LPAR1: variants seen among roughly 807,000 people sequenced by gnomAD.
LPAR1 encodes lysophosphatidic acid receptor 1, also known as LPA receptor 1.
A neutral mutation model predicts 23.8 loss-of-function variants in LPAR1; 5 were observed. That is an observed-to-expected ratio of 0.21 (90% CI 0.11 to 0.44). The LOEUF is 0.44. Among genes scored for constraint, LPAR1 ranks in the 20% least tolerant of loss-of-function variants. LPAR1 has a pLI of 0.99. For missense variants in LPAR1, 311 were observed against 482.8 expected, an observed-to-expected ratio of 0.64 and a Z score of 3.33; for synonymous variants, 160 against 164.7, an observed-to-expected ratio of 0.97 and a Z score of 0.22.
At chr9:110,919,360 C>G (rs1203370779) in intron 5 of LPAR1, among the ~76,000 whole-genome samples, 1 of 152,138 alleles carries the variant, frequency 6.6e-6, no homozygotes, top group Non-Finnish European at 1.5e-5. Context: ...AGATCCTTCC[C>G]TAGTCGAGCC....
In LPAR1 at chr9:110,953,675, A is replaced by G. The variant is rs899462958; in HGVS notation, c.46-11507T>C. Among the ~76,000 whole-genome samples, 553 of 152,168 alleles carry G rather than the reference A, an allele frequency of 3.6e-3. 4 individuals carry two copies. Among genetic ancestry groups the G allele is most frequent in the African/African-American group, 0.013 (522 of 41,508 alleles). ...TGAAACTTGGTCTCAAAAAAAAAAA[A>G]AAAAATTACAGACACTACTGATGCA... On this transcript the variant is annotated intron_variant, in intron 4 of 5. Transcript: ENST00000683809.
intron 4 of LPAR1, among the ~76,000 whole-genome samples, chr9:110,953,385 C>T (rs1019727740): frequency 1.3e-5 from 2 of 152,162 alleles, no homozygotes; most frequent in Admixed American, 6.5e-5. Context: ...ACACATAGTC[C>T]GGGCGTAGTG....
intron 5 of LPAR1, among the ~76,000 whole-genome samples, chr9:110,878,123 G>C (rs1189999402): frequency 6.6e-6 from 1 of 152,052 alleles, no homozygotes; most frequent in Non-Finnish European, 1.5e-5. Flanking sequence ...TCACTGAAAG[G>C]AACTGGTTTT....
chr9:111,018,309 T>C (rs187945168), intron 2 of LPAR1, among the ~76,000 whole-genome samples: 61 of 152,360 alleles, frequency 4.0e-4, no homozygotes, highest in Middle Eastern at 3.4e-3. Flanking sequence ...AGCATTATCA[T>C]TGTTTTGGAA....
chr9:110,919,472 TGA>T (rs1302148436), intron 5 of LPAR1, among the ~76,000 whole-genome samples: 1 of 152,108 alleles, frequency 6.6e-6, no homozygotes, highest in Non-Finnish European at 1.5e-5. Context: ...CTACAGAGAC[TGA>T]GAGATAATTC....
chr9:110,927,151 C>T (rs1192809067), intron 5 of LPAR1, among the ~76,000 whole-genome samples: 2 of 151,904 alleles, frequency 1.3e-5, no homozygotes, highest in African/African-American at 2.4e-5. Context: ...GTCAATTCAA[C>T]GAGTAAGTGG....
chr9:110,877,000 T>C (rs2079281777), intron 5 of LPAR1, among the ~76,000 whole-genome samples: 1 of 152,130 alleles, frequency 6.6e-6, no homozygotes, highest in Non-Finnish European at 1.5e-5. Context: ...GCCCCATATG[T>C]GTAATCAGGC....
Position 110,972,189 on chromosome 9 carries a change from A to G in LPAR1, c.-72T>C. The G allele has an allele frequency of 7.3e-7, 1 of 1,373,396 alleles. No individual in the cohort carries two copies. The highest frequency in any genetic ancestry group is 1.0e-6 in the Non-Finnish European group (1 of 961,888). The allele number at this position is 1,373,396 out of a possible 1,614,324, so 85.1% of individuals were successfully genotyped here. A position where few individuals can be genotyped will look rare whatever the true frequency, so the allele number is the denominator to read the frequency against. On this transcript the variant is annotated 5_prime_UTR_variant, in exon 4 of 6. It removes the in-frame stop codon of an upstream open reading frame in the 5' UTR. Transcript: ENST00000683809. ...AGACAAATTTTCTTGTTTGCTGATC[A>G]GATCGAAGTCATGCTAGGAGAAGCT...
intron 4 of LPAR1, among the ~76,000 whole-genome samples, chr9:110,956,229 G>T (rs998918115): frequency 6.9e-6 from 1 of 144,452 alleles, no homozygotes; most frequent in African/African-American, 2.6e-5. Flanking sequence ...ACACATGGGG[G>T]CCTGTCGGGG....
At chr9:110,905,043 G>C (rs2090743996) in intron 5 of LPAR1, among the ~76,000 whole-genome samples, 1 of 152,174 alleles carries the variant, frequency 6.6e-6, no homozygotes, top group South Asian at 2.1e-4. Context: ...TCCCACCTCT[G>C]GTAGGGAACA....
chr9:111,009,998 A>ACTATAT (rs2097298345), intron 2 of LPAR1, among the ~76,000 whole-genome samples: 1 of 123,436 alleles, frequency 8.1e-6, no homozygotes. Flanking sequence ...TAATTAGGAA[A>ACTATAT]ATATATATAT....
At chr9:110,962,724 T>C (rs2096049990) in intron 4 of LPAR1, among the ~76,000 whole-genome samples, 1 of 152,226 alleles carries the variant, frequency 6.6e-6, no homozygotes, top group Non-Finnish European at 1.5e-5. Context: ...GGCCTGAGCC[T>C]GCCTAACACA....
chr9:110,931,966 G>A (rs1468389758), intron 5 of LPAR1, among the ~76,000 whole-genome samples: 1 of 152,114 alleles, frequency 6.6e-6, no homozygotes, highest in Non-Finnish European at 1.5e-5. Flanking sequence ...GATGCCTCCA[G>A]CTTTGTTCTT....
At chr9:110,940,097 C>T (rs1419059890) in intron 5 of LPAR1, among the ~76,000 whole-genome samples, 1 of 152,202 alleles carries the variant, frequency 6.6e-6, no homozygotes, top group Non-Finnish European at 1.5e-5. Context: ...AAGACAATCT[C>T]ATATCTGAGG....
intron 5 of LPAR1, among the ~76,000 whole-genome samples, chr9:110,907,433 GAC>G (rs2091514157): frequency 6.6e-6 from 1 of 152,070 alleles, no homozygotes; most frequent in African/African-American, 2.4e-5. Context: ...TAAGAATAAA[GAC>G]ACACAATCAC....
chr9:110,885,716 T>C (rs893569479), intron 5 of LPAR1, among the ~76,000 whole-genome samples: 3 of 152,248 alleles, frequency 2.0e-5, no homozygotes, highest in African/African-American at 7.2e-5. Context: ...TCCTAATTCT[T>C]GTCTTCTGAT....
chr9:111,034,983 T>C (rs1204409391), intron 2 of LPAR1, among the ~76,000 whole-genome samples: 1 of 152,148 alleles, frequency 6.6e-6, no homozygotes, highest in Non-Finnish European at 1.5e-5. Context: ...AATTCTCCAT[T>C]CCCTGGCATG....
At position 110,897,333 on chromosome 9, in the gene LPAR1, G is replaced by A. The variant is rs559461756; in HGVS notation, c.794-21611C>T. 8.5e-5 allele frequency among the ~76,000 whole-genome samples: 13 copies of A among 152,202 alleles called. No individual in the cohort carries two copies. In the East Asian group the frequency reaches 2.3e-3, roughly 27 times the overall value. On this transcript the variant is annotated intron_variant, in intron 5 of 5. Coordinates refer to ENST00000683809, the MANE Select transcript of LPAR1 (RefSeq NM_001351411.2). ...TGCACAAGCTCTCTCTTTGCCTGCC[G>A]CCATCCATGTAAGATGTGACTTGCT...
chr9:110,961,806 G>T (rs890697558), intron 4 of LPAR1, among the ~76,000 whole-genome samples: 1 of 151,938 alleles, frequency 6.6e-6, no homozygotes, highest in Non-Finnish European at 1.5e-5. Context: ...GATCTCATGA[G>T]ACTTATTTAC....
Sources: allele counts gnomAD v4.1 joint callset (sites outside exome capture counted in the v4.1 genomes callset), GRCh38; gene constraint gnomAD v4.1.1; transcripts MANE v1.5; gene names NCBI Gene and HGNC (gene_info 2026-07-23, HGNC 2026-07-21).